Variants in TULP4 observed in about 807,000 individuals in gnomAD.
The protein encoded by TULP4 is TUB like protein 4, also known as tubby-related protein 4.
A neutral mutation model predicts 129.0 loss-of-function variants in TULP4; 16 were observed. The observed-to-expected ratio is 0.12, with a 90% CI of 0.08 to 0.19. The LOEUF is 0.19. TULP4 is among the 10% of genes least tolerant of loss of function. The pLI is 1.00. For missense variants in TULP4, 1,842 were observed against 2,059.1 expected (o/e 0.89, Z 2.04); for synonymous variants, 998 against 854.0 (o/e 1.17, Z -2.94).
chr6:158,494,689 A>T, intron 10 of TULP4, 64 bp from the exon 11 acceptor site: 1 of 1,437,214 alleles, frequency 7.0e-7, no homozygotes, highest in Non-Finnish European at 9.7e-7. Flanking sequence ...ATTCTTACTG[A>T]GTGACCAGTT....
At chr6:158,373,267 C>T (rs989471053) in intron 1 of TULP4, among the ~76,000 whole-genome samples, 1 of 152,154 alleles carries the variant, frequency 6.6e-6, no homozygotes, top group Non-Finnish European at 1.5e-5. Flanking sequence ...TTCAGTCAAC[C>T]CTCCAAGGCA....
intron 3 of TULP4, among the ~76,000 whole-genome samples, chr6:158,432,546 C>T (rs770540068): frequency 2.6e-5 from 4 of 152,170 alleles, no homozygotes; most frequent in Non-Finnish European, 5.9e-5. Flanking sequence ...TTTTAGGCTA[C>T]TTCCTGTCAA....
intron 1 of TULP4, among the ~76,000 whole-genome samples, chr6:158,233,727 T>TC (rs1777639990): frequency 6.6e-6 from 1 of 152,220 alleles, no homozygotes; most frequent in Non-Finnish European, 1.5e-5. Flanking sequence ...TCTAGTGAAG[T>TC]CCTTGATAGG....
intron 1 of TULP4, chr6:158,237,906 T>C (rs948147256): frequency 1.1e-5 from 8 of 731,450 alleles, no homozygotes; most frequent in Non-Finnish European, 1.5e-5. Context: ...GAATATCTTT[T>C]GGATTTTGTT....
intron 1 of TULP4, among the ~76,000 whole-genome samples, chr6:158,316,755 G>C (rs941325172): frequency 6.6e-6 from 1 of 152,160 alleles, no homozygotes; most frequent in East Asian, 1.9e-4. Flanking sequence ...GCTGGGAAAC[G>C]TGGTACCAGC....
chr6:158,485,740 AC>A (rs201606122), intron 8 of TULP4, among the ~76,000 whole-genome samples: 3,871 of 152,326 alleles, frequency 0.025, 102 homozygotes, highest in Middle Eastern at 0.041. Flanking sequence ...AGGATATCAA[AC>A]CAAAGAAGAC....
At chr6:158,499,210 C>T (rs1194950825) in intron 12 of TULP4, among the ~76,000 whole-genome samples, 1 of 152,196 alleles carries the variant, frequency 6.6e-6, no homozygotes, top group African/African-American at 2.4e-5. Context: ...TTCATCCTTT[C>T]AGTCCCTGCT....
chr6:158,472,832 A>G (rs1213536508), intron 6 of TULP4, among the ~76,000 whole-genome samples: 1 of 152,232 alleles, frequency 6.6e-6, no homozygotes, highest in African/African-American at 2.4e-5. Context: ...TTCTAAGGAA[A>G]TATGCTCTGA....
intron 6 of TULP4, among the ~76,000 whole-genome samples, chr6:158,467,431 C>T (rs1779578973): frequency 6.6e-6 from 1 of 152,106 alleles, no homozygotes; most frequent in Admixed American, 6.5e-5. Flanking sequence ...AGGCGCGTGC[C>T]ACCACACCCG....
At chr6:158,253,321 G>A (rs777829384) in intron 1 of TULP4, among the ~76,000 whole-genome samples, 1 of 152,152 alleles carries the variant, frequency 6.6e-6, no homozygotes, top group South Asian at 2.1e-4. Flanking sequence ...TTGCCTAGAC[G>A]AGACATGTTG....
chr6:158,289,943 GTGTTT>G lies in TULP4; in HGVS notation n.116+7578_116+7582del, dbSNP rs771626975. On this transcript the variant is annotated intron_variant and non_coding_transcript_variant, in intron 1 of 1. Transcript: ENST00000432358. ...ATACCACCTTTGCTATAGCCAAGAA[GTGTTT>G]TGTTTTGTTTTGAGACAGGGTCTCA... is the stretch of plus-strand genomic sequence containing the variant. Among the ~76,000 whole-genome samples, 79 of 152,176 alleles carry G rather than the reference GTGTTT, an allele frequency of 5.2e-4. 2 individuals are homozygous for G. The Middle Eastern group carries it at 0.01, about 20-fold the overall frequency.
upstream of TULP4, among the ~76,000 whole-genome samples, chr6:158,279,178 G>A (rs1015098797): frequency 3.3e-5 from 5 of 152,022 alleles, no homozygotes; most frequent in Middle Eastern, 3.4e-3. Context: ...TCCTGACCTC[G>A]TGATCCGCCT....
At chr6:158,443,139 A>C (rs1778938841) in intron 3 of TULP4, among the ~76,000 whole-genome samples, 1 of 151,456 alleles carries the variant, frequency 6.6e-6, no homozygotes, top group African/African-American at 2.4e-5. Flanking sequence ...GTGCACCACC[A>C]AGCCCAGCTA....
At chr6:158,458,699 T>C (rs2115173684) in intron 5 of TULP4, among the ~76,000 whole-genome samples, 1 of 152,366 alleles carries the variant, frequency 6.6e-6, no homozygotes. Context: ...TCTAGGCTTC[T>C]GTATCCTTCT....
intron 8 of TULP4, among the ~76,000 whole-genome samples, chr6:158,482,865 G>T (rs559247168): frequency 1.3e-5 from 2 of 152,180 alleles, no homozygotes; most frequent in African/African-American, 4.8e-5. Flanking sequence ...AGTACCCAAG[G>T]ACTGGGCTTG....
rs1583854633 is a variant in TULP4 at position 158,418,429 on chromosome 6, G to A, written c.381+5236G>A. 2.8e-5 allele frequency among the ~76,000 whole-genome samples: 4 copies of A among 141,250 alleles called. No homozygotes were observed. In the South Asian group the frequency reaches 9.0e-4, roughly 32 times the overall value. The allele number at this position is 141,250 out of a possible 152,430, so 92.7% of individuals were successfully genotyped here. Reference sequence around the variant, plus strand: ...TTTTTTTTTTTTTTTTAAGCAATTCGATACTTGGTTTTCTCTGGTTTTGTT... The same window carrying A: ...TTTTTTTTTTTTTTTTAAGCAATTCAATACTTGGTTTTCTCTGGTTTTGTT... On this transcript the variant is annotated intron_variant, in intron 2 of 13. Coordinates refer to ENST00000367097, the MANE Select transcript of TULP4 (RefSeq NM_020245.5).
chr6:158,466,765 A>G (rs1449076517), intron 6 of TULP4, among the ~76,000 whole-genome samples: 2 of 152,250 alleles, frequency 1.3e-5, no homozygotes, highest in East Asian at 3.8e-4. Context: ...GTTAAGGAAG[A>G]CAGACAAGTG....
intron 1 of TULP4, among the ~76,000 whole-genome samples, chr6:158,351,665 G>C (rs1182268198): frequency 2.2e-5 from 3 of 137,582 alleles, no homozygotes; most frequent in African/African-American, 8.2e-5. Flanking sequence ...TGATGAATTT[G>C]TGATGTGTAA....
chr6:158,429,613 T>A (rs1778584484), intron 2 of TULP4, 123 bp from the exon 3 acceptor site: 1 of 1,047,236 alleles, frequency 9.5e-7, no homozygotes, highest in African/African-American at 1.6e-5. Flanking sequence ...AAATAACATA[T>A]GTTATATTTT....
Sources: allele counts gnomAD v4.1 joint callset (sites outside exome capture counted in the v4.1 genomes callset), GRCh38; gene constraint gnomAD v4.1.1; transcripts MANE v1.5; gene names NCBI Gene and HGNC (gene_info 2026-07-23, HGNC 2026-07-21).